The following SLC9A9 variants were observed in gnomAD, a reference collection of about 807,000 sequenced individuals.
SLC9A9 encodes solute carrier family 9 member A9.
Under a neutral mutation model 77.8 loss-of-function variants are expected in SLC9A9, and 62 were observed. The ratio of observed to expected loss-of-function variants is 0.80; its 90% CI spans 0.65 to 0.98. SLC9A9 has a LOEUF of 0.98. Ranked by LOEUF, SLC9A9 falls within the 50% of genes least tolerant of loss-of-function variation. The pLI, the probability that SLC9A9 is intolerant of heterozygous loss-of-function variation, is 0.00. For synonymous variants in SLC9A9, 320 were observed against 283.5 expected, an observed-to-expected ratio of 1.13 and a Z score of -1.29; for missense variants, 775 against 774.9, an observed-to-expected ratio of 1.00 and a Z score of 0.00.
At chr3:143,362,292 CAAA>C (rs1167772099) in intron 14 of SLC9A9, among the ~76,000 whole-genome samples, 1 of 152,168 alleles carries the variant, frequency 6.6e-6, no homozygotes, top group African/African-American at 2.4e-5. Flanking sequence ...TATGAAAAAA[CAAA>C]ACTCTAACCT....
chr3:143,333,580 C>T (rs1049921947), intron 14 of SLC9A9, among the ~76,000 whole-genome samples: 2 of 152,320 alleles, frequency 1.3e-5, no homozygotes, highest in Non-Finnish European at 2.9e-5. Flanking sequence ...GGGGGATAGA[C>T]CACGAAGGTT....
chr3:143,655,530 G>A (rs1000867888), intron 5 of SLC9A9: 2 of 985,336 alleles, frequency 2.0e-6, no homozygotes, highest in Non-Finnish European at 2.4e-6. Flanking sequence ...AGATTTTCAT[G>A]CTTCACTTGT....
At chr3:143,634,631 G>A (rs1043118323) in intron 6 of SLC9A9, among the ~76,000 whole-genome samples, 8 of 152,070 alleles carry the variant, frequency 5.3e-5, no homozygotes, top group African/African-American at 1.9e-4. Flanking sequence ...ATACTTAGGA[G>A]CATTTGCTTG....
At chr3:143,732,609 C>T (rs1329942173) in intron 4 of SLC9A9, among the ~76,000 whole-genome samples, 8 of 152,188 alleles carry the variant, frequency 5.3e-5, no homozygotes, top group Non-Finnish European at 7.3e-5. Context: ...CTGACTTTAA[C>T]GTCTCATTAC....
intron 8 of SLC9A9, among the ~76,000 whole-genome samples, chr3:143,568,786 T>G (rs1464129803): frequency 1.3e-5 from 2 of 152,220 alleles, no homozygotes; most frequent in Non-Finnish European, 2.9e-5. Flanking sequence ...CAGTCTAACT[T>G]CTGCCCATTA....
chr3:143,489,546 AT>A (rs1390501072), intron 11 of SLC9A9, among the ~76,000 whole-genome samples: 2 of 152,050 alleles, frequency 1.3e-5, no homozygotes, highest in African/African-American at 2.4e-5. Flanking sequence ...GGATAAAAAA[AT>A]GTAAGGCCTA....
chr3:143,385,003 G>A (rs1487463311), intron 12 of SLC9A9, among the ~76,000 whole-genome samples: 1 of 152,196 alleles, frequency 6.6e-6, no homozygotes, highest in Admixed American at 6.5e-5. Flanking sequence ...TAAATAGTGT[G>A]TAAGGGGGAT....
chr3:143,518,015 T>G (rs750749060), intron 9 of SLC9A9: 2 of 1,421,994 alleles, frequency 1.4e-6, no homozygotes, highest in Non-Finnish European at 2.0e-6. Context: ...TGACGGTTCT[T>G]CTGCCTTTAA....
intron 9 of SLC9A9, among the ~76,000 whole-genome samples, chr3:143,498,717 C>G (rs766917402): frequency 6.6e-6 from 1 of 152,098 alleles, no homozygotes; most frequent in Non-Finnish European, 1.5e-5. Context: ...TCACTCTTCT[C>G]TCTCACAATA....
intron 15 of SLC9A9, 55 bp from the exon 16 acceptor site, chr3:143,266,984 G>A (rs1308170004): frequency 1.9e-6 from 3 of 1,546,598 alleles, no homozygotes; most frequent in Non-Finnish European, 2.7e-6. Flanking sequence ...GAAAACAATA[G>A]CAGTCCTACA....
chr3:143,359,330 T>C (rs1046165454), intron 14 of SLC9A9, among the ~76,000 whole-genome samples: 3 of 152,140 alleles, frequency 2.0e-5, no homozygotes, highest in African/African-American at 7.2e-5. Context: ...ATATCCTGGT[T>C]GGAGGGAACT....
At chr3:143,724,920 A>T (rs1177607999) in intron 4 of SLC9A9, among the ~76,000 whole-genome samples, 1 of 152,098 alleles carries the variant, frequency 6.6e-6, no homozygotes. Flanking sequence ...CAAAATCCTC[A>T]TGATACAGCC....
intron 2 of SLC9A9, among the ~76,000 whole-genome samples, chr3:143,810,138 T>C (rs2008825846): frequency 6.6e-6 from 1 of 152,320 alleles, no homozygotes; most frequent in South Asian, 2.1e-4. Context: ...ATTTTAAATA[T>C]TATCTCATAT....
At position 143,706,562 on chromosome 3, in the gene SLC9A9, C is replaced by T. The variant is rs77873285; in HGVS notation, c.534-13255G>A. ...AGTAAAACAGGGAGCCAAGTGAAGC[C>T]CCATTCAGCTCTGCTGTGGTGACAG... On this transcript the variant is annotated intron_variant, in intron 4 of 15. Transcript: ENST00000316549. Among the ~76,000 whole-genome samples the T allele has an allele frequency of 4.9e-3, 751 of 152,268 alleles. 10 individuals carry two copies. The highest frequency in any genetic ancestry group is 0.017 in the African/African-American group (690 of 41,554).
At chr3:143,317,912 A>T (rs867380837) in intron 14 of SLC9A9, among the ~76,000 whole-genome samples, 2 of 152,112 alleles carry the variant, frequency 1.3e-5, no homozygotes, top group African/African-American at 2.4e-5. Flanking sequence ...TATTTTTAGT[A>T]GAGACGGGGT....
intron 11 of SLC9A9, among the ~76,000 whole-genome samples, chr3:143,473,169 G>A (rs893069936): frequency 6.6e-6 from 1 of 152,192 alleles, no homozygotes; most frequent in Non-Finnish European, 1.5e-5. Context: ...CTTGGCCTAA[G>A]ACCCATCTCA....
At position 143,306,060 on chromosome 3, in the gene SLC9A9, TA is replaced by T. The variant is rs561374919; in HGVS notation, c.1605-37081del. The stretch of plus-strand genomic sequence containing the variant: ...AAAAATCATAAAAATGGAATTTCTT[TA>T]AAAAAAAAACCCTCTAAAATGTGAG... On this transcript the variant is annotated intron_variant, in intron 14 of 15. Transcript: ENST00000316549. Among the ~76,000 whole-genome samples, 322 of 149,094 alleles carry T rather than the reference TA, an allele frequency of 2.2e-3. 1 individual carries two copies. Among genetic ancestry groups the T allele is most frequent in the Middle Eastern group, 0.017 (5 of 290 alleles).
chr3:143,397,380 C>G lies in SLC9A9; in HGVS notation c.1470-15266G>C, dbSNP rs1030467340. ...GGTGGGGAGTCTTCTCAATGTCAGA[C>G]TGAACAAGTTACATGGGAAAAAAGA... On this transcript the variant is annotated intron_variant, in intron 12 of 15. Coordinates refer to ENST00000316549, the MANE Select transcript of SLC9A9 (RefSeq NM_173653.4). Among the ~76,000 whole-genome samples, 16 of 152,170 alleles carry G rather than the reference C, an allele frequency of 1.1e-4. No individual in the cohort carries two copies. The East Asian group carries it at 3.1e-3, about 29-fold the overall frequency.
intron 13 of SLC9A9, among the ~76,000 whole-genome samples, chr3:143,378,349 C>T (rs940760749): frequency 4.6e-5 from 7 of 152,272 alleles, no homozygotes; most frequent in Non-Finnish European, 8.8e-5. Flanking sequence ...CAAATTCCAC[C>T]TCTCCCTTCT....
Sources: gnomAD v4.1 joint callset for allele counts (sites outside exome capture counted in the v4.1 genomes callset) on GRCh38, gnomAD v4.1.1 for gene constraint, MANE v1.5 for transcripts, NCBI Gene and HGNC (gene_info 2026-07-23, HGNC 2026-07-21) for gene names.